The following PSD3 variants were observed in gnomAD, a reference collection of about 807,000 sequenced individuals.
The protein encoded by PSD3 is pleckstrin and Sec7 domain containing 3.
Under a neutral mutation model 105.5 loss-of-function variants are expected in PSD3, and 49 were observed. The ratio of observed to expected loss-of-function variants is 0.46; its 90% CI spans 0.37 to 0.59. The LOEUF is 0.59. PSD3 is among the 20% of genes least tolerant of loss of function. The pLI, the probability that PSD3 is intolerant of heterozygous loss-of-function variation, is 0.00. For synonymous variants in PSD3, 557 were observed against 457.8 expected, an observed-to-expected ratio of 1.22 and a Z score of -2.77; for missense variants, 1,561 against 1,263.8, an observed-to-expected ratio of 1.24 and a Z score of -3.57.
intron 9 of PSD3, among the ~76,000 whole-genome samples, chr8:18,741,822 C>T (rs1374370117): frequency 7.4e-6 from 1 of 134,386 alleles, no homozygotes; most frequent in African/African-American, 2.8e-5. Flanking sequence ...AAAAAAAAGG[C>T]TATGCCATAT....
At chr8:18,604,959 T>G (rs754181438) in intron 11 of PSD3, among the ~76,000 whole-genome samples, 9 of 152,206 alleles carry the variant, frequency 5.9e-5, no homozygotes, top group Non-Finnish European at 8.8e-5. Context: ...AAAGTCTGGA[T>G]GTACAGGCAG....
chr8:18,828,509 T>G (rs1813411632), intron 4 of PSD3, among the ~76,000 whole-genome samples: 1 of 152,054 alleles, frequency 6.6e-6, no homozygotes, highest in Non-Finnish European at 1.5e-5. Context: ...CGATGAAAAG[T>G]CAAACTACTG....
chr8:18,770,653 C>A (rs1205338895), intron 8 of PSD3, among the ~76,000 whole-genome samples: 3 of 152,210 alleles, frequency 2.0e-5, no homozygotes, highest in African/African-American at 7.2e-5. Flanking sequence ...ACTGGTCCCG[C>A]AGCAACATCT....
chr8:18,661,352 T>A (rs1038889569), intron 9 of PSD3, among the ~76,000 whole-genome samples: 4 of 152,184 alleles, frequency 2.6e-5, no homozygotes, highest in Non-Finnish European at 5.9e-5. Flanking sequence ...GATACTTAGA[T>A]CAAGCAGACT....
chr8:18,857,609 A>G (rs1172400961), intron 4 of PSD3, among the ~76,000 whole-genome samples: 1 of 152,240 alleles, frequency 6.6e-6, no homozygotes, highest in Non-Finnish European at 1.5e-5. Context: ...CTACTGTGCT[A>G]CAGCTTTACT....
chr8:18,676,907 T>A (rs10090559), intron 9 of PSD3, among the ~76,000 whole-genome samples: 1 of 152,156 alleles, frequency 6.6e-6, no homozygotes, highest in Non-Finnish European at 1.5e-5. Context: ...CTCGGCTCCA[T>A]GTTAATTTCC....
intron 4 of PSD3, among the ~76,000 whole-genome samples, chr8:18,822,249 AT>A (rs1442023159): frequency 6.6e-6 from 1 of 152,206 alleles, no homozygotes; most frequent in African/African-American, 2.4e-5. Flanking sequence ...GGTCTTGTAC[AT>A]GATACAAAGA....
intron 14 of PSD3, among the ~76,000 whole-genome samples, chr8:18,570,826 T>C (rs1802083540): frequency 6.8e-6 from 1 of 145,986 alleles, no homozygotes; most frequent in Middle Eastern, 3.2e-3. Flanking sequence ...GTGATCACAT[T>C]ACTGTCCTGC....
At chr8:18,614,603 T>G (rs1805518968) in intron 11 of PSD3, among the ~76,000 whole-genome samples, 1 of 152,074 alleles carries the variant, frequency 6.6e-6, no homozygotes, top group African/African-American at 2.4e-5. Context: ...ATGGGTTAAT[T>G]AAAGAATGAA....
chr8:18,596,501 CAGAAATAAA>C (rs1016019755), intron 12 of PSD3, among the ~76,000 whole-genome samples: 6 of 151,012 alleles, frequency 4.0e-5, no homozygotes, highest in African/African-American at 1.5e-4. Flanking sequence ...AAGATTAGAG[CAGAAATAAA>C]AGAAATAGAG....
intron 1 of PSD3, among the ~76,000 whole-genome samples, chr8:18,943,613 A>G (rs1407033407): frequency 6.6e-6 from 1 of 152,182 alleles, no homozygotes; most frequent in East Asian, 1.9e-4. Flanking sequence ...AGTGGCTTAG[A>G]TAACAGAGGA....
rs1799532600 is a variant in PSD3, at chr8:18,529,015, T to C, written c.*6728A>G. On this transcript the variant is annotated 3_prime_UTR_variant, in exon 16 of 16. Coordinates refer to ENST00000327040, the MANE Select transcript of PSD3 (RefSeq NM_015310.4). ...GGGGAGTGTGGACAAGGCACATCAG[T>C]GCTCCTACAGGAAGTGCCTCCTTGT... 1 of 152,186 alleles carries C rather than the reference T, an allele frequency of 6.6e-6. No individual in the cohort carries two copies. 9.4% of individuals were successfully genotyped at this position (152,186 alleles called of 1,614,324 possible).
In PSD3 at chr8:18,529,016, G is replaced by T. The variant is rs1270215371; in HGVS notation, c.*6727C>A. 1 of 152,150 alleles carries T rather than the reference G, an allele frequency of 6.6e-6. No homozygotes were observed. Among genetic ancestry groups the T allele is most frequent in the Non-Finnish European group, 1.5e-5 (1 of 68,042 alleles). 9.4% of individuals were successfully genotyped at this position (152,150 alleles called of 1,614,324 possible). On this transcript the variant is annotated 3_prime_UTR_variant, in exon 16 of 16. Transcript: ENST00000327040. Reference sequence around the variant, plus strand: ...GGGAGTGTGGACAAGGCACATCAGTGCTCCTACAGGAAGTGCCTCCTTGTT... The same window carrying T: ...GGGAGTGTGGACAAGGCACATCAGTTCTCCTACAGGAAGTGCCTCCTTGTT...
chr8:18,767,743 G>A (rs574485777), intron 8 of PSD3, among the ~76,000 whole-genome samples: 4 of 151,844 alleles, frequency 2.6e-5, no homozygotes, highest in Admixed American at 6.6e-5. Flanking sequence ...GCAAGACTCC[G>A]TCTCAAAACA....
chr8:18,556,559 C>T (rs1417648906), intron 14 of PSD3, among the ~76,000 whole-genome samples: 1 of 152,178 alleles, frequency 6.6e-6, no homozygotes. Flanking sequence ...TCAAGGCCAA[C>T]CTCTTTAACT....
rs553627326 is a variant in PSD3 at position 18,920,702 on chromosome 8, G to A, written c.130+15332C>T. Among the ~76,000 whole-genome samples, 6 of 152,118 alleles carry A rather than the reference G, an allele frequency of 3.9e-5. No individual in the cohort carries two copies. In the East Asian group the frequency reaches 5.8e-4, roughly 15 times the overall value. ...TACATGAATGTCCAACAGGACATTC[G>A]AGGCCATACAGAATGTAGAATAGTT... On this transcript the variant is annotated intron_variant, in intron 2 of 15. Transcript: ENST00000327040.
intron 15 of PSD3, among the ~76,000 whole-genome samples, chr8:18,537,417 G>A (rs1799903656): frequency 6.6e-6 from 1 of 152,102 alleles, no homozygotes; most frequent in Admixed American, 6.5e-5. Flanking sequence ...TAGATTTTAG[G>A]ATGACTCCTC....
intron 1 of PSD3, among the ~76,000 whole-genome samples, chr8:19,024,143 C>G (rs1036152031): frequency 6.6e-6 from 1 of 152,146 alleles, no homozygotes; most frequent in African/African-American, 2.4e-5. Flanking sequence ...CCAAATTATT[C>G]CAATAATAAA....
rs558894284 is a variant in PSD3 at position 18,837,464 on chromosome 8, A to T, written c.1634+30210T>A. ...AGAGGAGTAGGAGCAAGTTCAATAAAAATCAGAGGGGGCTCTAAAAGAAAC... is the reference window on the plus strand; with the variant it reads ...AGAGGAGTAGGAGCAAGTTCAATAATAATCAGAGGGGGCTCTAAAAGAAAC... On this transcript the variant is annotated intron_variant, in intron 4 of 15. Transcript: ENST00000327040. 2.0e-5 allele frequency among the ~76,000 whole-genome samples: 3 copies of T among 152,346 alleles called. No individual in the cohort carries two copies. In the South Asian group the frequency reaches 6.2e-4, roughly 32 times the overall value.
Sources: gnomAD v4.1 joint callset for allele counts (sites outside exome capture counted in the v4.1 genomes callset) on GRCh38, gnomAD v4.1.1 for gene constraint, MANE v1.5 for transcripts, NCBI Gene and HGNC (gene_info 2026-07-23, HGNC 2026-07-21) for gene names.